The following HPSE2 variants were observed in gnomAD, a reference collection of about 807,000 sequenced individuals.
HPSE2 encodes inactive heparanase-2.
HPSE2 carries 38 observed loss-of-function variants against 60.5 expected under a neutral mutation model. That is an observed-to-expected ratio of 0.63 (90% CI 0.48 to 0.82). The LOEUF (loss-of-function observed/expected upper bound fraction) is 0.82, where lower values mean the gene tolerates loss of function less well. HPSE2 is among the 40% of genes least tolerant of loss of function. The probability of loss-of-function intolerance (pLI) is 0.00; values close to 1 mark genes in which losing one functional copy is unlikely to be tolerated. For missense variants in HPSE2, 713 were observed against 740.4 expected (o/e 0.96, Z 0.43); for synonymous variants, 295 against 293.2 (o/e 1.01, Z -0.06).
chr10:98,862,503 T>C (rs1424749622), intron 3 of HPSE2, among the ~76,000 whole-genome samples: 1 of 152,168 alleles, frequency 6.6e-6, no homozygotes, highest in Non-Finnish European at 1.5e-5. Flanking sequence ...GAAATGTGGA[T>C]GATGAACTCA....
intron 9 of HPSE2, among the ~76,000 whole-genome samples, chr10:98,565,649 G>A (rs1365459536): frequency 1.3e-5 from 2 of 152,088 alleles, no homozygotes; most frequent in African/African-American, 2.4e-5. Flanking sequence ...GTGTGCATGC[G>A]TCTTTATAGT....
At chr10:99,204,385 T>C (rs1189733247) in intron 2 of HPSE2, among the ~76,000 whole-genome samples, 4 of 152,196 alleles carry the variant, frequency 2.6e-5, no homozygotes. Flanking sequence ...TCCCTGAATC[T>C]CTGGACTGTC....
intron 3 of HPSE2, among the ~76,000 whole-genome samples, chr10:98,837,348 T>A (rs115766784): frequency 0.023 from 3,552 of 152,270 alleles, 140 homozygotes; most frequent in African/African-American, 0.08. Context: ...TAAACAGCAT[T>A]TATAGTGTAC....
intron 3 of HPSE2, among the ~76,000 whole-genome samples, chr10:98,920,271 C>A (rs1214078279): frequency 6.6e-6 from 1 of 152,154 alleles, no homozygotes; most frequent in African/African-American, 2.4e-5. Flanking sequence ...CGGACTGGGG[C>A]TCTTCCTGCC....
intron 3 of HPSE2, among the ~76,000 whole-genome samples, chr10:98,941,179 G>C (rs1954988145): frequency 7.2e-6 from 1 of 138,670 alleles, no homozygotes; most frequent in African/African-American, 3.0e-5. Context: ...GCACAAGACA[G>C]GGATGCCCTC....
In HPSE2 at chr10:98,587,842, G is replaced by A. The variant is rs370317906; in HGVS notation, c.1320+27062C>T. On this transcript the variant is annotated intron_variant, in intron 9 of 11. Coordinates refer to ENST00000370552, the MANE Select transcript of HPSE2 (RefSeq NM_021828.5). Reference sequence around the variant, plus strand: ...TCCAGAAAACAGTAAAGTGTCATGAGAATGATATTTAGAGATCTTAAACCA... The same window carrying A: ...TCCAGAAAACAGTAAAGTGTCATGAAAATGATATTTAGAGATCTTAAACCA... Among the ~76,000 whole-genome samples, 315 of 152,278 alleles carry A rather than the reference G, an allele frequency of 2.1e-3. 2 individuals are homozygous for A. Among genetic ancestry groups the A allele is most frequent in the African/African-American group, 7.2e-3 (299 of 41,554 alleles).
intron 7 of HPSE2, among the ~76,000 whole-genome samples, chr10:98,625,242 G>A (rs1338099580): frequency 6.6e-6 from 1 of 152,194 alleles, no homozygotes; most frequent in Non-Finnish European, 1.5e-5. Flanking sequence ...TATGCTGACT[G>A]CAAAAACGAC....
intron 3 of HPSE2, among the ~76,000 whole-genome samples, chr10:98,949,858 A>G (rs1247945973): frequency 6.6e-6 from 1 of 152,164 alleles, no homozygotes; most frequent in East Asian, 1.9e-4. Flanking sequence ...AAAAGCAGCT[A>G]AAGGAAAGAT....
rs554989559 is a variant in HPSE2, at chr10:98,578,707, A to T, written c.1320+36197T>A. 1.3e-4 allele frequency among the ~76,000 whole-genome samples: 20 copies of T among 152,266 alleles called. No individual in the cohort carries two copies. The South Asian group carries it at 2.9e-3, about 22-fold the overall frequency. Reference sequence around the variant, plus strand: ...AAGGAAAAATTGTGAAACACTTAAAATTTTTTTCCTTTAGATACCCCCTAC... The same window carrying T: ...AAGGAAAAATTGTGAAACACTTAAATTTTTTTTCCTTTAGATACCCCCTAC... On this transcript the variant is annotated intron_variant, in intron 9 of 11. Coordinates refer to ENST00000370552, the MANE Select transcript of HPSE2 (RefSeq NM_021828.5).
At chr10:98,777,717 A>T (rs1950372035) in intron 3 of HPSE2, among the ~76,000 whole-genome samples, 1 of 152,164 alleles carries the variant, frequency 6.6e-6, no homozygotes, top group African/African-American at 2.4e-5. Flanking sequence ...TTGCATTTAG[A>T]CGAGCAACCC....
intron 3 of HPSE2, among the ~76,000 whole-genome samples, chr10:98,835,967 G>A (rs777334647): frequency 6.6e-5 from 10 of 152,212 alleles, no homozygotes; most frequent in Non-Finnish European, 1.3e-4. Context: ...AACTGAACTC[G>A]AAGACAGGAC....
At chr10:98,630,400 T>G (rs879403740) in intron 7 of HPSE2, among the ~76,000 whole-genome samples, 2 of 152,108 alleles carry the variant, frequency 1.3e-5, no homozygotes, top group South Asian at 4.1e-4. Context: ...TGTTTCACCA[T>G]GTTAGCCAAG....
chr10:98,546,958 GA>G (rs1263956480), intron 9 of HPSE2, among the ~76,000 whole-genome samples: 1 of 148,684 alleles, frequency 6.7e-6, no homozygotes, highest in Non-Finnish European at 1.5e-5. Flanking sequence ...AAATTTACAA[GA>G]AAAAAACAAA....
At chr10:99,241,511 C>T in the HPSE2 span, among the ~76,000 whole-genome samples, 1 of 152,192 alleles carries the variant, frequency 6.6e-6, no homozygotes, top group Non-Finnish European at 1.5e-5. Context: ...AATCCCAGCA[C>T]TTTGGAAGGC....
intron 2 of HPSE2, among the ~76,000 whole-genome samples, chr10:99,180,641 A>G (rs1847722641): frequency 1.3e-5 from 2 of 151,948 alleles, no homozygotes; most frequent in African/African-American, 4.8e-5. Context: ...TCCTAGCCCT[A>G]TGGGAGGCTG....
intron 3 of HPSE2, among the ~76,000 whole-genome samples, chr10:98,782,887 A>G (rs1382104491): frequency 1.5e-5 from 2 of 130,966 alleles, no homozygotes; most frequent in Non-Finnish European, 3.3e-5. Flanking sequence ...TAATGGGTTG[A>G]GTGGGTCTAC....
intron 6 of HPSE2, among the ~76,000 whole-genome samples, chr10:98,677,659 G>A (rs2134128138): frequency 6.6e-6 from 1 of 152,284 alleles, no homozygotes; most frequent in South Asian, 2.1e-4. Flanking sequence ...CTAAAGGTCA[G>A]AGGGATTCTG....
intron 3 of HPSE2, among the ~76,000 whole-genome samples, chr10:98,959,233 T>G (rs1955586062): frequency 6.6e-6 from 1 of 151,990 alleles, no homozygotes; most frequent in Non-Finnish European, 1.5e-5. Context: ...CAAATTACAA[T>G]TCTTAACATT....
chr10:98,966,747 T>G (rs892394337), intron 3 of HPSE2, among the ~76,000 whole-genome samples: 1 of 152,120 alleles, frequency 6.6e-6, no homozygotes, highest in African/African-American at 2.4e-5. Context: ...AATAACAATA[T>G]ATTGCATTTT....
Sources: gnomAD v4.1 joint callset for allele counts (sites outside exome capture counted in the v4.1 genomes callset) on GRCh38, gnomAD v4.1.1 for gene constraint, MANE v1.5 for transcripts, NCBI Gene and HGNC (gene_info 2026-07-23, HGNC 2026-07-21) for gene names.